The following SLC44A5 variants were observed in gnomAD, a reference collection of about 807,000 sequenced individuals.
SLC44A5 encodes solute carrier family 44 member 5, also known as choline transporter-like protein 5.
In SLC44A5, 57 loss-of-function variants were observed where a neutral mutation model predicts 101.8. The ratio of observed to expected loss-of-function variants is 0.56; its 90% CI spans 0.45 to 0.70. The LOEUF (loss-of-function observed/expected upper bound fraction) is 0.70, where lower values mean the gene tolerates loss of function less well. Among genes scored for constraint, SLC44A5 ranks in the 30% least tolerant of loss-of-function variants. The pLI is 0.00. For synonymous variants in SLC44A5, 281 were observed against 290.9 expected (o/e 0.97, Z 0.35); for missense variants, 737 against 853.1 (o/e 0.86, Z 1.70).
At chr1:75,265,374 A>C (rs1650899417) in intron 6 of SLC44A5, among the ~76,000 whole-genome samples, 1 of 152,218 alleles carries the variant, frequency 6.6e-6, no homozygotes, top group South Asian at 2.1e-4. Flanking sequence ...ACAGAATACT[A>C]GCAAACTGAA....
At chr1:75,438,352 C>A (rs1287943528) in intron 2 of SLC44A5, among the ~76,000 whole-genome samples, 2 of 152,026 alleles carry the variant, frequency 1.3e-5, no homozygotes, top group Non-Finnish European at 2.9e-5. Flanking sequence ...CTGAAAGAGA[C>A]CCTTCTGCAA....
intron 2 of SLC44A5, among the ~76,000 whole-genome samples, chr1:75,399,228 G>A (rs917466409): frequency 6.6e-6 from 1 of 151,932 alleles, no homozygotes; most frequent in Non-Finnish European, 1.5e-5. Flanking sequence ...ACTAATGATG[G>A]GTCAACCGGA....
At chr1:75,459,705 A>G (rs1001339413) in intron 2 of SLC44A5, among the ~76,000 whole-genome samples, 1 of 152,214 alleles carries the variant, frequency 6.6e-6, no homozygotes, top group African/African-American at 2.4e-5. Context: ...ATCAGCACAC[A>G]ATTATTAGAA....
intron 1 of SLC44A5, among the ~76,000 whole-genome samples, chr1:75,607,311 A>G (rs1044059015): frequency 6.6e-6 from 1 of 152,046 alleles, no homozygotes; most frequent in Non-Finnish European, 1.5e-5. Flanking sequence ...TTAAAATTAT[A>G]TAAGTTCTAC....
chr1:75,322,551 G>A (rs1467308547), intron 4 of SLC44A5, among the ~76,000 whole-genome samples: 2 of 152,054 alleles, frequency 1.3e-5, no homozygotes, highest in African/African-American at 2.4e-5. Context: ...GACATTCTTA[G>A]GACTCCAGAA....
At position 75,213,841 on chromosome 1, in the gene SLC44A5, A is replaced by G. The variant is rs201430378; in HGVS notation, c.1874-48T>C. 4,169 of 1,553,040 alleles carry G rather than the reference A, an allele frequency of 2.7e-3. 4 individuals carry two copies. The highest frequency in any genetic ancestry group is 3.3e-3 in the Non-Finnish European group (3,784 of 1,134,952). On this transcript the variant is annotated intron_variant, in intron 21 of 23. Transcript: ENST00000370859. ...GTATATTATACTTTTGCAAAAGAAT[A>G]TAGTTTTTTGTAGTAAAGCAGTTTT...
At chr1:75,593,580 C>T (rs1209597003) in intron 1 of SLC44A5, among the ~76,000 whole-genome samples, 1 of 152,116 alleles carries the variant, frequency 6.6e-6, no homozygotes. Context: ...GATTTGGAAG[C>T]AACCTAAGTA....
intron 2 of SLC44A5, among the ~76,000 whole-genome samples, chr1:75,449,661 G>A (rs1665783344): frequency 1.3e-5 from 2 of 152,118 alleles, no homozygotes; most frequent in African/African-American, 2.4e-5. Flanking sequence ...GATCTAAGAC[G>A]AGTGGTTTTT....
In SLC44A5 at chr1:75,506,006, C is replaced by T. The variant is rs75525546; in HGVS notation, c.13+35429G>A. On this transcript the variant is annotated intron_variant, in intron 2 of 23. Coordinates refer to ENST00000370859, the MANE Select transcript of SLC44A5 (RefSeq NM_001130058.2). ...TGAGGTTTACATCTAAATATTTAAT[C>T]CATCTCACATTAATTTTTGTATATG... Among the ~76,000 whole-genome samples, 897 of 152,176 alleles carry T rather than the reference C, an allele frequency of 5.9e-3. 4 individuals are homozygous for T. The highest frequency in any genetic ancestry group is 8.8e-3 in the Non-Finnish European group (600 of 67,980).
At chr1:75,436,859 C>T (rs1664919517) in intron 2 of SLC44A5, among the ~76,000 whole-genome samples, 1 of 151,890 alleles carries the variant, frequency 6.6e-6, no homozygotes, top group African/African-American at 2.4e-5. Context: ...TTTTTTATTG[C>T]TTTTTTAAAA....
At chr1:75,594,383 T>G (rs1218882265) in intron 1 of SLC44A5, among the ~76,000 whole-genome samples, 1 of 151,968 alleles carries the variant, frequency 6.6e-6, no homozygotes, top group East Asian at 1.9e-4. Context: ...CAAATGTCAT[T>G]AGTGTCTCCA....
chr1:75,569,345 A>G (rs747138220), intron 1 of SLC44A5, among the ~76,000 whole-genome samples: 1 of 147,762 alleles, frequency 6.8e-6, no homozygotes, highest in Admixed American at 7.0e-5. Flanking sequence ...GGCTCAGGTG[A>G]TCCTCCCACC....
chr1:75,670,941 C>T, the SLC44A5 span, among the ~76,000 whole-genome samples: 8 of 152,212 alleles, frequency 5.3e-5, no homozygotes, highest in African/African-American at 1.9e-4. Flanking sequence ...ACAGAAATGA[C>T]CGTCATGAAG....
chr1:75,457,146 G>T (rs1211869447), intron 2 of SLC44A5, among the ~76,000 whole-genome samples: 3 of 152,066 alleles, frequency 2.0e-5, no homozygotes, highest in Non-Finnish European at 2.9e-5. Flanking sequence ...AATATACAAG[G>T]TTCTCAAAAT....
At chr1:75,219,200 G>T in intron 16 of SLC44A5, 57 bp downstream of exon 16, 1 of 1,192,784 alleles carries the variant, frequency 8.4e-7, no homozygotes, top group African/African-American at 1.5e-5. Context: ...ACTACAAAAT[G>T]AATTGCAGCA....
chr1:75,537,033 A>AAAAAAAAATAT (rs35829590), intron 2 of SLC44A5, among the ~76,000 whole-genome samples: 2 of 43,026 alleles, frequency 4.6e-5, no homozygotes, highest in Non-Finnish European at 5.8e-5. Flanking sequence ...AAAAAAAAAA[A>AAAAAAAAATAT]ATATATATCT....
intron 4 of SLC44A5, among the ~76,000 whole-genome samples, chr1:75,319,145 C>T (rs958857286): frequency 6.6e-6 from 1 of 152,058 alleles, no homozygotes; most frequent in African/African-American, 2.4e-5. Flanking sequence ...TTATTTAGCT[C>T]CATATGATTC....
intron 1 of SLC44A5, among the ~76,000 whole-genome samples, chr1:75,590,381 A>G (rs898614080): frequency 6.6e-6 from 1 of 152,082 alleles, no homozygotes; most frequent in Non-Finnish European, 1.5e-5. Flanking sequence ...CCTGCTAGCT[A>G]CCTAAATAAC....
chr1:75,295,114 T>G (rs1408671161), intron 5 of SLC44A5, among the ~76,000 whole-genome samples: 1 of 152,196 alleles, frequency 6.6e-6, no homozygotes, highest in African/African-American at 2.4e-5. Context: ...TTACACAAGA[T>G]ATACATATAC....
Sources: gnomAD v4.1 joint callset for allele counts (sites outside exome capture counted in the v4.1 genomes callset) on GRCh38, gnomAD v4.1.1 for gene constraint, MANE v1.5 for transcripts, NCBI Gene and HGNC (gene_info 2026-07-23, HGNC 2026-07-21) for gene names.